Variants in SEMA3E observed in about 807,000 individuals in gnomAD.
The protein encoded by SEMA3E is semaphorin-3E.
Under a neutral mutation model 93.6 loss-of-function variants are expected in SEMA3E, and 49 were observed. The observed-to-expected ratio is 0.52, with a 90% confidence interval of 0.42 to 0.66. The LOEUF (loss-of-function observed/expected upper bound fraction) is 0.66, where lower values mean the gene tolerates loss of function less well. Among genes scored for constraint, SEMA3E ranks in the 30% least tolerant of loss-of-function variants. The probability of loss-of-function intolerance (pLI) is 0.00; values close to 1 mark genes in which losing one functional copy is unlikely to be tolerated. For synonymous variants in SEMA3E, 363 were observed against 330.7 expected (o/e 1.10, Z -1.06); for missense variants, 906 against 964.8 (o/e 0.94, Z 0.81).
intron 16 of SEMA3E, among the ~76,000 whole-genome samples, chr7:83,368,775 T>C (rs1426299672): frequency 6.6e-6 from 1 of 152,200 alleles, no homozygotes; most frequent in Non-Finnish European, 1.5e-5. Flanking sequence ...AAATAAATAA[T>C]TATAATTCAG....
chr7:83,493,154 T>G (rs376424083), intron 1 of SEMA3E, among the ~76,000 whole-genome samples: 18 of 152,082 alleles, frequency 1.2e-4, no homozygotes, highest in East Asian at 5.8e-4. Flanking sequence ...AAATCGACAC[T>G]TAGATGTTTT....
chr7:83,460,981 A>C (rs112927269), intron 4 of SEMA3E, among the ~76,000 whole-genome samples: 1 of 151,992 alleles, frequency 6.6e-6, no homozygotes, highest in African/African-American at 2.4e-5. Context: ...TCAAAAACTT[A>C]AAAGCTCTTC....
chr7:83,481,602 T>A (rs1790147164), intron 2 of SEMA3E, among the ~76,000 whole-genome samples: 1 of 152,156 alleles, frequency 6.6e-6, no homozygotes, highest in South Asian at 2.1e-4. Context: ...AAGAGTATGC[T>A]TTAGCATCAG....
At chr7:83,640,247 C>G (rs747924042) in intron 1 of SEMA3E, among the ~76,000 whole-genome samples, 10 of 152,182 alleles carry the variant, frequency 6.6e-5, no homozygotes, top group Admixed American at 1.3e-4. Context: ...TTCCACCACT[C>G]TATCCTGTAA....
chr7:83,399,994 T>A, intron 11 of SEMA3E, 34 bp downstream of exon 11: 1 of 1,479,060 alleles, frequency 6.8e-7, no homozygotes. Flanking sequence ...AAGGGTCAAT[T>A]TAAATATCTC....
chr7:83,533,426 C>A (rs1162602896), intron 1 of SEMA3E, among the ~76,000 whole-genome samples: 1 of 152,098 alleles, frequency 6.6e-6, no homozygotes, highest in African/African-American at 2.4e-5. Context: ...TGCCTGTAAT[C>A]CCAACTACTA....
intron 1 of SEMA3E, among the ~76,000 whole-genome samples, chr7:83,494,531 T>C (rs1790449150): frequency 6.6e-6 from 1 of 151,910 alleles, no homozygotes; most frequent in Admixed American, 6.6e-5. Context: ...AGCCATGTTA[T>C]TTGGAATATT....
chr7:83,616,576 C>G, intron 1 of SEMA3E: 1 of 313,300 alleles, frequency 3.2e-6, no homozygotes, highest in East Asian at 1.0e-4. Context: ...GCAACTTTCC[C>G]CTGAAACTCC....
In SEMA3E at chr7:83,461,368, G is replaced by A. The variant is rs186222733; in HGVS notation, c.456+5114C>T. Among the ~76,000 whole-genome samples the A allele has an allele frequency of 2.8e-3, 425 of 152,034 alleles. 2 individuals carry two copies. Among genetic ancestry groups the A allele is most frequent in the African/African-American group, 8.5e-3 (353 of 41,458 alleles). On this transcript the variant is annotated intron_variant, in intron 4 of 16. Coordinates refer to ENST00000643230, the MANE Select transcript of SEMA3E (RefSeq NM_012431.3). Reference sequence around the variant, plus strand: ...GCTGCTCCTCGCCAGGCTGAGCTAGGTCCCAATTCTACCTCAGCCTCTGCT... The same window carrying A: ...GCTGCTCCTCGCCAGGCTGAGCTAGATCCCAATTCTACCTCAGCCTCTGCT...
At position 83,635,360 on chromosome 7, in the gene SEMA3E, T is replaced by C. The variant is rs184806277; in HGVS notation, c.115+13068A>G. 2.6e-3 allele frequency among the ~76,000 whole-genome samples: 394 copies of C among 152,034 alleles called. 4 individuals carry two copies. The highest frequency in any genetic ancestry group is 5.3e-4 in the Non-Finnish European group (36 of 67,890). On this transcript the variant is annotated intron_variant, in intron 1 of 16. Coordinates refer to ENST00000643230, the MANE Select transcript of SEMA3E (RefSeq NM_012431.3). Reference sequence around the variant, plus strand: ...GGATTATAGAAGTGATCCTAATTTCTATAGACTTCTTTTTATAGATTATCT... The same window carrying C: ...GGATTATAGAAGTGATCCTAATTTCCATAGACTTCTTTTTATAGATTATCT...
chr7:83,386,895 G>GA lies in SEMA3E; in HGVS notation c.1735+87dup, dbSNP rs1020067611. ...TGTTCTAGTATACATGAATCACAAA[G>GA]AAAAAAAGGACTCTTTTTAAGAAGT... On this transcript the variant is annotated intron_variant, in intron 15 of 16. Transcript: ENST00000643230. 9.3e-5 allele frequency: 107 copies of GA among 1,153,600 alleles called. 1 individual carries two copies. In the Admixed American group the frequency reaches 9.8e-4, roughly 11 times the overall value. 71.5% of individuals were successfully genotyped at this position (1,153,600 alleles called of 1,614,324 possible).
rs190390074 is a variant in SEMA3E at position 83,514,240 on chromosome 7, A to C, written c.116-23966T>G. Among the ~76,000 whole-genome samples, 55 of 152,162 alleles carry C rather than the reference A, an allele frequency of 3.6e-4. No individual in the cohort carries two copies. The East Asian group carries it at 5.8e-3, about 16-fold the overall frequency. Reference sequence around the variant, plus strand: ...ATATCATCATGAAATAACCATAAAAATGGGCAACCAGCAGCCCTCAGGGCT... The same window carrying C: ...ATATCATCATGAAATAACCATAAAACTGGGCAACCAGCAGCCCTCAGGGCT... On this transcript the variant is annotated intron_variant, in intron 1 of 16. Coordinates refer to ENST00000643230, the MANE Select transcript of SEMA3E (RefSeq NM_012431.3).
intron 1 of SEMA3E, among the ~76,000 whole-genome samples, chr7:83,644,064 T>G (rs950358048): frequency 6.6e-6 from 1 of 152,032 alleles, no homozygotes; most frequent in African/African-American, 2.4e-5. Flanking sequence ...TCCAGAATGA[T>G]CATTCAGAAT....
At chr7:83,542,175 T>C (rs535632843) in intron 1 of SEMA3E, among the ~76,000 whole-genome samples, 14 of 146,716 alleles carry the variant, frequency 9.5e-5, no homozygotes, top group Middle Eastern at 3.5e-3. Context: ...AGAATCTGTC[T>C]CTATAAAAAA....
At chr7:83,493,004 A>G (rs1790416210) in intron 1 of SEMA3E, among the ~76,000 whole-genome samples, 1 of 151,994 alleles carries the variant, frequency 6.6e-6, no homozygotes. Flanking sequence ...ATAATTGCGT[A>G]GGTAAACTTG....
chr7:83,382,533 T>C lies in SEMA3E; in HGVS notation c.1875+2761A>G, dbSNP rs1458698984. Among the ~76,000 whole-genome samples, 3 of 151,968 alleles carry C rather than the reference T, an allele frequency of 2.0e-5. No homozygotes were observed. In the Admixed American group the frequency reaches 2.0e-4, roughly 10 times the overall value. ...GTACCTACTCAGTTCCTGTTTGCAA[T>C]AGGTACATATAAATAATAGCCTCAG... On this transcript the variant is annotated intron_variant, in intron 16 of 16. Coordinates refer to ENST00000643230, the MANE Select transcript of SEMA3E (RefSeq NM_012431.3).
intron 1 of SEMA3E, among the ~76,000 whole-genome samples, chr7:83,589,329 C>T (rs984714193): frequency 1.3e-5 from 2 of 151,938 alleles, no homozygotes; most frequent in Non-Finnish European, 1.5e-5. Context: ...ATTATTTATC[C>T]AGATATCTAT....
At chr7:83,591,592 A>G (rs143039175) in intron 1 of SEMA3E, among the ~76,000 whole-genome samples, 10 of 152,104 alleles carry the variant, frequency 6.6e-5, no homozygotes, top group African/African-American at 2.2e-4. Context: ...TAGTTTTTGT[A>G]AATTTAATAG....
At chr7:83,392,843 T>A in intron 13 of SEMA3E, 122 bp from the exon 14 acceptor site, 1 of 932,066 alleles carries the variant, frequency 1.1e-6, no homozygotes, top group Non-Finnish European at 1.7e-6. Flanking sequence ...TTAATTCACT[T>A]AAATTAGCAG....
Sources: gnomAD v4.1 joint callset for allele counts (sites outside exome capture counted in the v4.1 genomes callset) on GRCh38, gnomAD v4.1.1 for gene constraint, MANE v1.5 for transcripts, NCBI Gene and HGNC (gene_info 2026-07-23, HGNC 2026-07-21) for gene names.